Variants in UBE2E2 observed in about 807,000 individuals in gnomAD.
UBE2E2 encodes ubiquitin conjugating enzyme E2 E2, also known as ubiquitin-conjugating enzyme E2 E2.
Under a neutral mutation model 24.7 loss-of-function variants are expected in UBE2E2, and 6 were observed. The observed-to-expected ratio is 0.24, with a 90% CI of 0.13 to 0.48. The LOEUF (loss-of-function observed/expected upper bound fraction) is 0.48. Among genes scored for constraint, UBE2E2 ranks in the 20% least tolerant of loss-of-function variants. The pLI, the probability that UBE2E2 is intolerant of heterozygous loss-of-function variation, is 0.99. For missense variants in UBE2E2, 169 were observed against 245.0 expected (o/e 0.69, Z 2.07); for synonymous variants, 104 against 83.6 (o/e 1.24, Z -1.33).
At chr3:23,507,100 G>A (rs1386247280) in intron 4 of UBE2E2, among the ~76,000 whole-genome samples, 1 of 152,174 alleles carries the variant, frequency 6.6e-6, no homozygotes, top group Non-Finnish European at 1.5e-5. Context: ...CTCAAAGCAT[G>A]CTTCTTCACA....
intron 3 of UBE2E2, among the ~76,000 whole-genome samples, chr3:23,296,802 A>G (rs1260166597): frequency 6.6e-6 from 1 of 152,234 alleles, no homozygotes; most frequent in Non-Finnish European, 1.5e-5. Flanking sequence ...AGCATGATTT[A>G]TAATCCTTTG....
intron 3 of UBE2E2, among the ~76,000 whole-genome samples, chr3:23,294,614 G>A (rs961430308): frequency 5.5e-5 from 8 of 144,420 alleles, no homozygotes; most frequent in Non-Finnish European, 1.1e-4. Flanking sequence ...TATTTTATTA[G>A]ATATTTTATT....
chr3:23,260,055 C>A (rs1206019636), intron 3 of UBE2E2, among the ~76,000 whole-genome samples: 2 of 152,108 alleles, frequency 1.3e-5, no homozygotes, highest in Admixed American at 1.3e-4. Context: ...CCTGGTTTAT[C>A]TTTTTGATTC....
At chr3:23,208,933 AT>A in intron 2 of UBE2E2, 58 bp downstream of exon 2, 1 of 1,448,718 alleles carries the variant, frequency 6.9e-7, no homozygotes. Flanking sequence ...CTTAAGTTCT[AT>A]TTTTCTCTTG....
chr3:23,463,310 A>T (rs1055223261), intron 3 of UBE2E2, among the ~76,000 whole-genome samples: 1 of 152,112 alleles, frequency 6.6e-6, no homozygotes, highest in Non-Finnish European at 1.5e-5. Context: ...TTTTTATTTA[A>T]ATCATATTAA....
At chr3:23,568,435 C>T (rs1156733675) in intron 5 of UBE2E2, among the ~76,000 whole-genome samples, 1 of 151,622 alleles carries the variant, frequency 6.6e-6, no homozygotes, top group African/African-American at 2.4e-5. Context: ...TTATTATTAT[C>T]ATTTTTTCTT....
chr3:23,272,147 T>A (rs558427066), intron 3 of UBE2E2, among the ~76,000 whole-genome samples: 1 of 152,180 alleles, frequency 6.6e-6, no homozygotes, highest in Non-Finnish European at 1.5e-5. Context: ...CATGGCGGGC[T>A]GCAGGTCCCG....
At chr3:23,369,041 T>C (rs1462585427) in intron 3 of UBE2E2, among the ~76,000 whole-genome samples, 2 of 152,238 alleles carry the variant, frequency 1.3e-5, no homozygotes, top group Non-Finnish European at 2.9e-5. Flanking sequence ...TTTTTATAGC[T>C]GCAGAAACTG....
At chr3:23,561,620 T>G (rs1695931459) in intron 5 of UBE2E2, among the ~76,000 whole-genome samples, 2 of 151,548 alleles carry the variant, frequency 1.3e-5, no homozygotes, top group Non-Finnish European at 1.5e-5. Context: ...AAGTCATTGG[T>G]AGCTTGATGG....
At chr3:23,226,972 C>CAA (rs920959203) in intron 3 of UBE2E2, among the ~76,000 whole-genome samples, 26 of 81,708 alleles carry the variant, frequency 3.2e-4, no homozygotes, top group African/African-American at 1.0e-3. Context: ...CCATGAAGAC[C>CAA]AAAAAAAAAA....
chr3:23,270,951 C>T (rs79914633), intron 3 of UBE2E2: 1 of 456,588 alleles, frequency 2.2e-6, no homozygotes, highest in Non-Finnish European at 4.4e-6. Flanking sequence ...TGTTAACAGG[C>T]TGTTCCTGAT....
At chr3:23,524,405 C>A (rs1158947611) in intron 4 of UBE2E2, among the ~76,000 whole-genome samples, 1 of 152,106 alleles carries the variant, frequency 6.6e-6, no homozygotes, top group Admixed American at 6.6e-5. Flanking sequence ...CTGCTGAGTG[C>A]CAGGCAGGCT....
intron 3 of UBE2E2, among the ~76,000 whole-genome samples, chr3:23,424,115 T>G (rs1009381669): frequency 1.3e-5 from 2 of 152,224 alleles, no homozygotes; most frequent in Non-Finnish European, 2.9e-5. Context: ...ATAATCTTAC[T>G]AAATTCCACA....
At chr3:23,429,418 T>C (rs79686032) in intron 3 of UBE2E2, among the ~76,000 whole-genome samples, 2,153 of 152,258 alleles carry the variant, frequency 0.014, 53 homozygotes, top group African/African-American at 0.049. Flanking sequence ...CAACAGTGTG[T>C]AGAAACAACT....
intron 3 of UBE2E2, among the ~76,000 whole-genome samples, chr3:23,315,836 A>G (rs1446381625): frequency 6.6e-6 from 1 of 151,540 alleles, no homozygotes; most frequent in Non-Finnish European, 1.5e-5. Flanking sequence ...ATTAGAGGAT[A>G]CCCTAAGCTT....
At chr3:23,563,659 A>G (rs764186532) in intron 5 of UBE2E2, among the ~76,000 whole-genome samples, 8 of 152,120 alleles carry the variant, frequency 5.3e-5, no homozygotes, top group Non-Finnish European at 8.8e-5. Flanking sequence ...CTCTTTGTTT[A>G]TCTGTATTGC....
At chr3:23,304,570 A>G (rs1280339922) in intron 3 of UBE2E2, among the ~76,000 whole-genome samples, 2 of 152,206 alleles carry the variant, frequency 1.3e-5, no homozygotes, top group Non-Finnish European at 2.9e-5. Flanking sequence ...TGTTTCTGGA[A>G]TGTCTTGTGA....
intron 3 of UBE2E2, among the ~76,000 whole-genome samples, chr3:23,351,631 CAAAG>C (rs968450444): frequency 1.3e-5 from 2 of 152,000 alleles, no homozygotes; most frequent in African/African-American, 4.8e-5. Context: ...TCAAAAGAGA[CAAAG>C]AAGGCCATTA....
At position 23,312,596 on chromosome 3, in the gene UBE2E2, T is replaced by A. The variant is rs186324827; in HGVS notation, c.227+95284T>A. ...CTGAGTTCAGTTGTTTTGTTGATTT[T>A]TTATATTGTTTCTTTTGTTTTGATT... On this transcript the variant is annotated intron_variant, in intron 3 of 5. Transcript: ENST00000396703. Among the ~76,000 whole-genome samples, 502 of 152,312 alleles carry A rather than the reference T, an allele frequency of 3.3e-3. 1 individual carries two copies. The highest frequency in any genetic ancestry group is 5.4e-3 in the Non-Finnish European group (364 of 68,032).
Sources: gnomAD v4.1 joint callset for allele counts (sites outside exome capture counted in the v4.1 genomes callset) on GRCh38, gnomAD v4.1.1 for gene constraint, MANE v1.5 for transcripts, NCBI Gene and HGNC (gene_info 2026-07-23, HGNC 2026-07-21) for gene names.